DLG2: variants seen among roughly 807,000 people sequenced by gnomAD.
DLG2 encodes disks large homolog 2.
A neutral mutation model predicts 132.5 loss-of-function variants in DLG2; 45 were observed. That is an observed-to-expected ratio of 0.34 (90% confidence interval 0.27 to 0.44). DLG2 has a LOEUF of 0.44. Among genes scored for constraint, DLG2 ranks in the 20% least tolerant of loss-of-function variants. The pLI is 1.00. For synonymous variants in DLG2, 424 were observed against 419.6 expected, an observed-to-expected ratio of 1.01 and a Z score of -0.13; for missense variants, 1,045 against 1,196.9, an observed-to-expected ratio of 0.87 and a Z score of 1.87.
chr11:83,719,187 T>C (rs1224593010), intron 18 of DLG2, among the ~76,000 whole-genome samples: 1 of 152,324 alleles, frequency 6.6e-6, no homozygotes, highest in East Asian at 1.9e-4. Context: ...TGTATGCATA[T>C]GGCACTTGGG....
chr11:84,916,161 C>T (rs963746135), intron 6 of DLG2, among the ~76,000 whole-genome samples: 6 of 150,992 alleles, frequency 4.0e-5, no homozygotes, highest in East Asian at 2.0e-4. Context: ...CCGGCTAAAA[C>T]GGTGAAACCC....
chr11:85,536,644 G>T (rs2075604004), intron 3 of DLG2, among the ~76,000 whole-genome samples: 1 of 152,228 alleles, frequency 6.6e-6, no homozygotes, highest in Admixed American at 6.5e-5. Context: ...CAGGAGCTGG[G>T]GCTGCGTGCG....
chr11:85,566,379 A>G (rs1421163458), intron 3 of DLG2, among the ~76,000 whole-genome samples: 2 of 152,024 alleles, frequency 1.3e-5, no homozygotes, highest in African/African-American at 2.4e-5. Flanking sequence ...TTGGTGTCAT[A>G]GTTAAGAAAT....
At chr11:84,707,528 T>C (rs2059911001) in intron 6 of DLG2, among the ~76,000 whole-genome samples, 1 of 151,820 alleles carries the variant, frequency 6.6e-6, no homozygotes, top group African/African-American at 2.4e-5. Context: ...AAGCCAGCAG[T>C]GACTTCAACT....
intron 6 of DLG2, among the ~76,000 whole-genome samples, chr11:84,581,059 C>T (rs1316270730): frequency 6.6e-6 from 1 of 152,154 alleles, no homozygotes; most frequent in South Asian, 2.1e-4. Context: ...CAAAATGACT[C>T]CAGTATTTGT....
chr11:85,264,669 G>A (rs573662761), intron 4 of DLG2, among the ~76,000 whole-genome samples: 5 of 152,168 alleles, frequency 3.3e-5, no homozygotes, highest in East Asian at 1.9e-4. Flanking sequence ...TAACAGCACC[G>A]TATCCACATG....
intron 3 of DLG2, among the ~76,000 whole-genome samples, chr11:85,537,366 C>T (rs1293895356): frequency 2.0e-5 from 3 of 152,206 alleles, no homozygotes; most frequent in Admixed American, 6.5e-5. Context: ...TCACTCTTCG[C>T]AATAAATCTC....
chr11:85,536,904 G>T (rs560976883), intron 3 of DLG2, among the ~76,000 whole-genome samples: 2 of 152,356 alleles, frequency 1.3e-5, no homozygotes, highest in South Asian at 4.1e-4. Flanking sequence ...GTGCCGCAAA[G>T]TCCCACAGTG....
chr11:85,006,899 A>G (rs770595185), intron 6 of DLG2, among the ~76,000 whole-genome samples: 4 of 151,990 alleles, frequency 2.6e-5, no homozygotes, highest in African/African-American at 9.7e-5. Flanking sequence ...ATATATTTCT[A>G]TTTTCATACA....
At chr11:85,271,317 G>C (rs569390497) in intron 4 of DLG2, among the ~76,000 whole-genome samples, 2 of 152,356 alleles carry the variant, frequency 1.3e-5, no homozygotes, top group East Asian at 3.9e-4. Context: ...AGATTTCAAA[G>C]GATGTGTGGA....
At chr11:85,436,895 C>A (rs548022623) in intron 3 of DLG2, among the ~76,000 whole-genome samples, 1 of 152,238 alleles carries the variant, frequency 6.6e-6, no homozygotes, top group South Asian at 2.1e-4. Context: ...GACATGGAAC[C>A]AACCCAAATG....
chr11:85,039,231 T>G (rs1218684269), intron 6 of DLG2, among the ~76,000 whole-genome samples: 1 of 143,888 alleles, frequency 6.9e-6, no homozygotes, highest in African/African-American at 2.7e-5. Context: ...CTACTCCCCC[T>G]CCAACTTTAG....
At chr11:84,964,046 G>C (rs560943331) in intron 6 of DLG2, among the ~76,000 whole-genome samples, 19 of 152,150 alleles carry the variant, frequency 1.2e-4, no homozygotes, top group Admixed American at 3.3e-4. Context: ...ACCAGTCAAA[G>C]CTTTCTGGAA....
intron 3 of DLG2, among the ~76,000 whole-genome samples, chr11:85,444,144 CA>C (rs1348850822): frequency 2.0e-5 from 3 of 152,094 alleles, no homozygotes; most frequent in Non-Finnish European, 4.4e-5. Context: ...ATGTGTTTTA[CA>C]GTGGAAAATT....
chr11:85,390,437 C>G (rs886823625), intron 3 of DLG2, among the ~76,000 whole-genome samples: 2 of 152,040 alleles, frequency 1.3e-5, no homozygotes, highest in Non-Finnish European at 2.9e-5. Flanking sequence ...CAGCACAAGA[C>G]AGGCTATCAA....
chr11:85,207,329 C>A (rs2081963371), intron 4 of DLG2, among the ~76,000 whole-genome samples: 1 of 152,194 alleles, frequency 6.6e-6, no homozygotes. Flanking sequence ...GCCTACCTTC[C>A]AGGTATTTGC....
chr11:85,612,573 TCTTA>T (rs760274219), intron 2 of DLG2, among the ~76,000 whole-genome samples: 1 of 152,134 alleles, frequency 6.6e-6, no homozygotes, highest in Non-Finnish European at 1.5e-5. Flanking sequence ...CTGAACGAGG[TCTTA>T]CTAATAGCAA....
chr11:84,618,315 A>G (rs1217636137), intron 6 of DLG2, among the ~76,000 whole-genome samples: 1 of 152,088 alleles, frequency 6.6e-6, no homozygotes, highest in East Asian at 1.9e-4. Context: ...ATCAAAATCT[A>G]TATTAAAAAG....
chr11:83,466,684 A>G, intron 26 of DLG2, 24 bp downstream of exon 26: 1 of 1,337,494 alleles, frequency 7.5e-7, no homozygotes, highest in Non-Finnish European at 1.1e-6. Context: ...AGTTGGATGA[A>G]GGCCTCCAAT....
Sources: allele counts gnomAD v4.1 joint callset (sites outside exome capture counted in the v4.1 genomes callset), GRCh38; gene constraint gnomAD v4.1.1; transcripts MANE v1.5; gene names NCBI Gene and HGNC (gene_info 2026-07-23, HGNC 2026-07-21).